Variants in KLHL8 observed in about 807,000 individuals in gnomAD.
KLHL8 encodes kelch-like protein 8.
A neutral mutation model predicts 63.5 loss-of-function variants in KLHL8; 38 were observed. The ratio of observed to expected loss-of-function variants is 0.60; its 90% CI spans 0.46 to 0.78. KLHL8 has a LOEUF of 0.78. KLHL8 is among the 30% of genes least tolerant of loss of function. KLHL8 has a pLI of 0.00. For missense variants in KLHL8, 566 were observed against 752.4 expected, an observed-to-expected ratio of 0.75 and a Z score of 2.90; for synonymous variants, 224 against 254.3, an observed-to-expected ratio of 0.88 and a Z score of 1.13.
chr4:87,231,372 C>T (rs1043844854), intron 1 of KLHL8, among the ~76,000 whole-genome samples: 7 of 152,172 alleles, frequency 4.6e-5, no homozygotes, highest in African/African-American at 1.7e-4. Flanking sequence ...ACCCTTACGT[C>T]TGGGTTTGCT....
intron 2 of KLHL8, among the ~76,000 whole-genome samples, chr4:87,186,996 C>T (rs574076945): frequency 1.1e-3 from 169 of 151,400 alleles, no homozygotes; most frequent in African/African-American, 3.9e-3. Context: ...ACACTGCAAT[C>T]TCATCACCTT....
At chr4:87,173,767 T>C (rs1018251081) in intron 6 of KLHL8, among the ~76,000 whole-genome samples, 1 of 152,216 alleles carries the variant, frequency 6.6e-6, no homozygotes, top group Non-Finnish European at 1.5e-5. Context: ...AACAGGGATA[T>C]AAAGATTAAA....
intron 2 of KLHL8, among the ~76,000 whole-genome samples, chr4:87,189,469 T>A (rs1175249410): frequency 2.0e-5 from 3 of 152,146 alleles, no homozygotes; most frequent in Non-Finnish European, 4.4e-5. Context: ...ATAAAAACTT[T>A]GAGTAATTTT....
chr4:87,174,634 A>G (rs1289691840), intron 6 of KLHL8, among the ~76,000 whole-genome samples: 2 of 152,198 alleles, frequency 1.3e-5, no homozygotes, highest in African/African-American at 4.8e-5. Context: ...ATTTACTAAG[A>G]TAGCCCTCTT....
At chr4:87,190,526 C>T (rs1731440561) in intron 2 of KLHL8, among the ~76,000 whole-genome samples, 1 of 151,946 alleles carries the variant, frequency 6.6e-6, no homozygotes, top group Non-Finnish European at 1.5e-5. Flanking sequence ...TGCCTATAAT[C>T]CCAGCTACTC....
intron 1 of KLHL8, among the ~76,000 whole-genome samples, chr4:87,238,401 T>C (rs1346889551): frequency 2.0e-5 from 3 of 152,230 alleles, no homozygotes; most frequent in Non-Finnish European, 4.4e-5. Context: ...AATGAAAATG[T>C]TCTTGGCCAG....
chr4:87,210,920 T>C (rs1391453545), intron 1 of KLHL8, among the ~76,000 whole-genome samples: 1 of 152,216 alleles, frequency 6.6e-6, no homozygotes, highest in Admixed American at 6.5e-5. Flanking sequence ...GTCTGATATT[T>C]TTTTCATTAT....
chr4:87,214,460 A>ATATATATATATATATATATAT (rs1732523462), intron 1 of KLHL8, among the ~76,000 whole-genome samples: 7 of 126,046 alleles, frequency 5.6e-5, no homozygotes, highest in African/African-American at 1.2e-4. Flanking sequence ...ATATATATAT[A>ATATATATATATATATATATAT]ATTGTCATCA....
At chr4:87,208,070 C>A in intron 1 of KLHL8, 1 of 583,284 alleles carries the variant, frequency 1.7e-6, no homozygotes. Flanking sequence ...GACCTCATGG[C>A]CCACATGGCC....
chr4:87,179,548 G>A (rs1244890546), intron 4 of KLHL8, among the ~76,000 whole-genome samples: 2 of 152,172 alleles, frequency 1.3e-5, no homozygotes, highest in African/African-American at 2.4e-5. Context: ...GCTGAGGCAG[G>A]AGAATCATTT....
chr4:87,217,264 AAGTGAATT>A (rs1481303356), intron 1 of KLHL8, among the ~76,000 whole-genome samples: 2 of 151,880 alleles, frequency 1.3e-5, no homozygotes, highest in East Asian at 3.8e-4. Context: ...AGACATAGTC[AAGTGAATT>A]TTAGCGACTG....
intron 1 of KLHL8, among the ~76,000 whole-genome samples, chr4:87,215,737 G>T (rs754045459): frequency 8.6e-5 from 13 of 152,026 alleles, no homozygotes; most frequent in Non-Finnish European, 1.5e-4. Flanking sequence ...AAGTATGTCC[G>T]ATTCAGAAAT....
chr4:87,162,804 T>C lies in KLHL8; in HGVS notation c.*715A>G, dbSNP rs975001026. 1.3e-5 allele frequency: 2 copies of C among 152,220 alleles called. No individual in the cohort carries two copies. Among genetic ancestry groups the C allele is most frequent in the African/African-American group, 4.8e-5 (2 of 41,464 alleles). 9.4% of individuals were successfully genotyped at this position (152,220 alleles called of 1,614,324 possible). ...GTTCACCTTTTGATTATGTAACAAA[T>C]ACTTTTTGCAAAAGATGAAAAAATA... On this transcript the variant is annotated 3_prime_UTR_variant, in exon 10 of 10. Transcript: ENST00000273963.
intron 2 of KLHL8, among the ~76,000 whole-genome samples, chr4:87,187,673 T>G (rs1002017394): frequency 6.6e-6 from 1 of 152,114 alleles, no homozygotes; most frequent in African/African-American, 2.4e-5. Flanking sequence ...TATTCTATAT[T>G]TACTTCACGT....
chr4:87,178,667 G>GA, intron 4 of KLHL8, 47 bp from the exon 5 acceptor site: 6 of 1,461,978 alleles, frequency 4.1e-6, no homozygotes, highest in South Asian at 1.5e-5. Flanking sequence ...CTGCCAAGTT[G>GA]AAAAAAATTA....
chr4:87,188,372 T>C (rs1731345162), intron 2 of KLHL8, among the ~76,000 whole-genome samples: 1 of 152,186 alleles, frequency 6.6e-6, no homozygotes, highest in Non-Finnish European at 1.5e-5. Flanking sequence ...TATCATAAAA[T>C]AGGGTTCTAC....
intron 4 of KLHL8, among the ~76,000 whole-genome samples, chr4:87,181,531 TTTTC>T (rs1252359099): frequency 2.0e-5 from 3 of 152,096 alleles, no homozygotes; most frequent in African/African-American, 2.4e-5. Context: ...TTTGATTAGA[TTTTC>T]TTTAAGTAGA....
intron 1 of KLHL8, chr4:87,207,130 A>T: frequency 1.8e-6 from 1 of 543,274 alleles, no homozygotes; most frequent in Non-Finnish European, 3.5e-6. Context: ...GTCGTATTGG[A>T]TGCCTGGTCA....
At chr4:87,223,100 A>G (rs145751260), upstream of KLHL8, among the ~76,000 whole-genome samples, 73 of 143,604 alleles carry the variant, frequency 5.1e-4, no homozygotes, top group African/African-American at 1.8e-3. Context: ...ACAGGCCCAC[A>G]CCACCACACC....
Sources: gnomAD v4.1 joint callset for allele counts (sites outside exome capture counted in the v4.1 genomes callset) on GRCh38, gnomAD v4.1.1 for gene constraint, MANE v1.5 for transcripts, NCBI Gene and HGNC (gene_info 2026-07-23, HGNC 2026-07-21) for gene names.